The following ROCK2 variants were observed in gnomAD, a reference collection of about 807,000 sequenced individuals.
The protein encoded by ROCK2 is rho-associated protein kinase 2.
A neutral mutation model predicts 195.1 loss-of-function variants in ROCK2; 61 were observed. The observed-to-expected ratio is 0.31, with a 90% CI of 0.25 to 0.39. ROCK2 has a LOEUF of 0.39. ROCK2 is among the 10% of genes least tolerant of loss of function. The probability of loss-of-function intolerance (pLI) is 1.00; values close to 1 mark genes in which losing one functional copy is unlikely to be tolerated. For synonymous variants in ROCK2, 504 were observed against 545.5 expected (o/e 0.92, Z 1.06); for missense variants, 1,109 against 1,637.4 (o/e 0.68, Z 5.57).
chr2:11,238,608 G>A (rs533591857), intron 4 of ROCK2, among the ~76,000 whole-genome samples: 97 of 152,298 alleles, frequency 6.4e-4, no homozygotes, highest in Non-Finnish European at 1.2e-3. Flanking sequence ...AACACTTGAG[G>A]AGGCCTAAGT....
At chr2:11,191,977 G>C (rs899428087) in intron 32 of ROCK2, among the ~76,000 whole-genome samples, 171 bp downstream of exon 32, 2 of 152,252 alleles carry the variant, frequency 1.3e-5, no homozygotes, top group East Asian at 1.9e-4. Flanking sequence ...ACTTTCATCT[G>C]AATCGATGAA....
chr2:11,280,561 C>T (rs1421696102), intron 3 of ROCK2, among the ~76,000 whole-genome samples: 4 of 151,850 alleles, frequency 2.6e-5, no homozygotes, highest in African/African-American at 7.3e-5. Context: ...GCCCAGGAGG[C>T]GGAGGTTACA....
At chr2:11,340,805 T>C (rs1490390371) in intron 1 of ROCK2, among the ~76,000 whole-genome samples, 1 of 152,198 alleles carries the variant, frequency 6.6e-6, no homozygotes, top group East Asian at 1.9e-4. Context: ...AACAAAGTTT[T>C]AATCACCTTT....
intron 3 of ROCK2, among the ~76,000 whole-genome samples, chr2:11,278,977 T>TA (rs983517344): frequency 4.4e-5 from 6 of 136,274 alleles, no homozygotes; most frequent in African/African-American, 1.1e-4. Context: ...GGGCAAACAC[T>TA]AAAAAAAAGG....
intron 1 of ROCK2, among the ~76,000 whole-genome samples, chr2:11,327,090 C>T (rs572813029): frequency 1.3e-5 from 2 of 152,310 alleles, no homozygotes; most frequent in South Asian, 2.1e-4. Context: ...TTATCCATCA[C>T]TGCTCAACAA....
chr2:11,277,323 C>T (rs1479982160), intron 3 of ROCK2, among the ~76,000 whole-genome samples: 2 of 152,184 alleles, frequency 1.3e-5, no homozygotes, highest in Non-Finnish European at 2.9e-5. Context: ...CTGGCAACCA[C>T]CAATCTTTTT....
intron 3 of ROCK2, among the ~76,000 whole-genome samples, chr2:11,257,991 A>T (rs1461972186): frequency 6.6e-6 from 1 of 151,404 alleles, no homozygotes; most frequent in Non-Finnish European, 1.5e-5. Context: ...ACCAGATGTT[A>T]TTTACAGAAA....
Position 11,214,827 on chromosome 2 carries a change from A to G in ROCK2, c.1936+13T>C, listed in dbSNP as rs375607718. ...CATCAAAATTAATTCAAGTGCAACC[A>G]CGACTTCAATACCTTGTAAATCATT... On this transcript the variant is annotated intron_variant, in intron 16 of 32. Transcript: ENST00000315872. 1.9e-6 allele frequency: 3 copies of G among 1,586,048 alleles called. No homozygotes were observed. The highest frequency in any genetic ancestry group is 1.7e-6 in the Non-Finnish European group (2 of 1,168,102).
In ROCK2 at chr2:11,290,356, C is replaced by T. The variant is rs149378419; in HGVS notation, c.142-2620G>A. ...GCACACCCCTGTAATCCCAGCTACT[C>T]GGGAAGCTGAAGTGGGAGGACTGCT... On this transcript the variant is annotated intron_variant, in intron 1 of 32. Transcript: ENST00000315872. 7.1e-3 allele frequency among the ~76,000 whole-genome samples: 1,076 copies of T among 152,110 alleles called. 17 individuals carry two copies. Among genetic ancestry groups the T allele is most frequent in the African/African-American group, 0.025 (1,020 of 41,480 alleles).
At chr2:11,202,490 TAATA>T (rs1558286904) in intron 20 of ROCK2, among the ~76,000 whole-genome samples, 9 of 150,544 alleles carry the variant, frequency 6.0e-5, no homozygotes, top group African/African-American at 1.9e-4. Flanking sequence ...ATAATAATAA[TAATA>T]ATTATTATTA....
chr2:11,217,076 T>A lies in ROCK2; in HGVS notation c.1412+14A>T. On this transcript the variant is annotated intron_variant, in intron 12 of 32. Transcript: ENST00000315872. ...AATTTTATAATGTAATATTTAATTA[T>A]CTACAAAACATACTTGCACTTCTGT... The A allele has an allele frequency of 7.4e-7, 1 of 1,343,018 alleles. No individual in the cohort carries two copies. The highest frequency in any genetic ancestry group is 1.1e-6 in the Non-Finnish European group (1 of 941,578). 83.2% of individuals were successfully genotyped at this position (1,343,018 alleles called of 1,614,324 possible).
intron 1 of ROCK2, among the ~76,000 whole-genome samples, chr2:11,311,785 A>G (rs181996798): frequency 6.6e-6 from 1 of 151,174 alleles, no homozygotes; most frequent in South Asian, 2.1e-4. Context: ...ACACACACAC[A>G]CCCCTATAGG....
intron 1 of ROCK2, among the ~76,000 whole-genome samples, chr2:11,335,516 T>C (rs1456956965): frequency 6.6e-6 from 1 of 152,208 alleles, no homozygotes; most frequent in Non-Finnish European, 1.5e-5. Flanking sequence ...GTAATCCTTA[T>C]CACTAACAAA....
chr2:11,202,228 A>T, intron 20 of ROCK2, 107 bp from the exon 21 acceptor site: 1 of 859,976 alleles, frequency 1.2e-6, no homozygotes, highest in Non-Finnish European at 2.0e-6. Flanking sequence ...AGGTTCTTCC[A>T]CAGAACCCAT....
chr2:11,293,656 T>C (rs748796195), intron 1 of ROCK2, among the ~76,000 whole-genome samples: 8 of 152,204 alleles, frequency 5.3e-5, no homozygotes, highest in Non-Finnish European at 1.2e-4. Context: ...TTTAAAATTT[T>C]GAGTTTGATA....
chr2:11,325,962 C>T (rs777850481), intron 1 of ROCK2, among the ~76,000 whole-genome samples: 3 of 151,984 alleles, frequency 2.0e-5, no homozygotes, highest in South Asian at 2.1e-4. Flanking sequence ...TTGGCCTGAT[C>T]GAAGCTAAAT....
At chr2:11,345,012 G>A (rs557525967), upstream of ROCK2, among the ~76,000 whole-genome samples, 343 of 150,890 alleles carry the variant, frequency 2.3e-3, no homozygotes, top group African/African-American at 8.1e-3. Flanking sequence ...ACCGTGCGCT[G>A]GGGGGGAGCC....
In ROCK2 at chr2:11,208,434, C is replaced by A; in HGVS notation, c.2217G>T (p.Lys739Asn). The A allele has an allele frequency of 8.0e-6, 12 of 1,504,712 alleles. No homozygotes were observed. Among genetic ancestry groups the A allele is most frequent in the Non-Finnish European group, 9.9e-6 (11 of 1,116,346 alleles). 93.2% of individuals were successfully genotyped at this position (1,504,712 alleles called of 1,614,324 possible). The change falls in exon 19 of 33, where the codon AAG becomes AAT. Residue 739 changes from lysine to asparagine, a missense_variant. This residue lies in a region of ROCK2 where 542 missense variants were observed against 672.0 expected (regional missense o/e 0.81). Transcript: ENST00000315872. ...GTTTTAAAGTTCTTTCCTCCAAGAG[C>A]TTCTTCTCCATTTCTAGTATAATAA... The part of the protein sequence containing the change: ...KSEAMKEMEK[K>N]LLEERTLKQK...
chr2:11,217,233 G>GA, intron 11 of ROCK2, 64 bp from the exon 12 acceptor site: 1 of 812,102 alleles, frequency 1.2e-6, no homozygotes. Context: ...GAGGCTTAAA[G>GA]AAAACAATGA....
Sources: allele counts gnomAD v4.1 joint callset (sites outside exome capture counted in the v4.1 genomes callset), GRCh38; gene constraint gnomAD v4.1.1; regional missense constraint gnomAD v4.1.1; transcripts MANE v1.5; gene names NCBI Gene and HGNC (gene_info 2026-07-23, HGNC 2026-07-21).